NPHP4: variants seen among roughly 807,000 people sequenced by gnomAD.
The protein encoded by NPHP4 is nephrocystin-4.
In NPHP4, 151 loss-of-function variants were observed where a neutral mutation model predicts 155.8. The observed-to-expected ratio is 0.97, with a 90% CI of 0.85 to 1.11. The LOEUF is 1.11. NPHP4 is among the 50% of genes least tolerant of loss of function. The pLI, the probability that NPHP4 is intolerant of heterozygous loss-of-function variation, is 0.00. For synonymous variants in NPHP4, 845 were observed against 816.8 expected (o/e 1.03, Z -0.59); for missense variants, 1,956 against 1,925.7 (o/e 1.02, Z -0.29).
intron 2 of NPHP4, 120 bp downstream of exon 2, chr1:5,986,023 TATGGGTACCACC>T: frequency 1.1e-6 from 1 of 891,484 alleles, no homozygotes; most frequent in East Asian, 2.6e-5. Flanking sequence ...AGAATGGCTA[TATGGGTACCACC>T]ATAAAGTAGC....
intron 1 of NPHP4, 77 bp from the exon 2 acceptor site, chr1:5,986,404 T>C: frequency 8.7e-7 from 1 of 1,152,914 alleles, no homozygotes; most frequent in Admixed American, 2.8e-5. Context: ...GGCTTCTGCC[T>C]CCCACTAAAT....
intron 19 of NPHP4, among the ~76,000 whole-genome samples, chr1:5,878,571 CCTT>C (rs1264902847): frequency 9.2e-5 from 14 of 152,346 alleles, no homozygotes; most frequent in African/African-American, 3.4e-4. Flanking sequence ...GCACTGAGAA[CCTT>C]CTTAAAATTT....
At chr1:5,957,423 T>G (rs1234081028) in intron 6 of NPHP4, among the ~76,000 whole-genome samples, 1 of 152,214 alleles carries the variant, frequency 6.6e-6, no homozygotes, top group Non-Finnish European at 1.5e-5. Context: ...GCTAGGGATA[T>G]TTAATTCAGC....
intron 8 of NPHP4, 129 bp from the exon 9 acceptor site, chr1:5,947,359 A>C: frequency 4.4e-6 from 4 of 904,500 alleles, no homozygotes; most frequent in Non-Finnish European, 7.0e-6. Context: ...TGCAACAGCA[A>C]GTCCACCATG....
chr1:5,884,133 T>C (rs928476449), intron 18 of NPHP4, among the ~76,000 whole-genome samples: 1 of 152,210 alleles, frequency 6.6e-6, no homozygotes, highest in Non-Finnish European at 1.5e-5. Flanking sequence ...GTTAAATTAG[T>C]GCAGGCTTTC....
chr1:5,874,673 T>C lies in NPHP4; in HGVS notation c.3045-16A>G, dbSNP rs1232724119. 4.3e-6 allele frequency: 7 copies of C among 1,609,314 alleles called. No individual in the cohort carries two copies. Among genetic ancestry groups the C allele is most frequent in the Admixed American group, 3.3e-5 (2 of 59,736 alleles). ...CACGATGACGCTGGGGGAGGCAGTG[T>C]CCAGGCGTCAGGGCAGTTCTTCCCA... On this transcript the variant is annotated splice_polypyrimidine_tract_variant and intron_variant, in intron 21 of 29. Transcript: ENST00000378156.
intron 19 of NPHP4, among the ~76,000 whole-genome samples, chr1:5,877,636 C>T (rs189734701): frequency 1.3e-5 from 2 of 152,290 alleles, no homozygotes; most frequent in Admixed American, 1.3e-4. Context: ...CTTAAAGGGC[C>T]CACTAATGCC....
intron 16 of NPHP4, among the ~76,000 whole-genome samples, chr1:5,897,201 A>G (rs1644436535): frequency 6.6e-6 from 1 of 152,236 alleles, no homozygotes; most frequent in Admixed American, 6.5e-5. Flanking sequence ...TTACCATTTC[A>G]AAAACACCAA....
intron 1 of NPHP4, chr1:5,991,360 T>G (rs1656255016): frequency 6.6e-6 from 1 of 151,738 alleles, no homozygotes; most frequent in Non-Finnish European, 1.5e-5. Context: ...ACAGAGGAGG[T>G]GCAACGAACG....
At chr1:5,869,152 GCA>G (rs147471447) in intron 23 of NPHP4, among the ~76,000 whole-genome samples, 6,508 of 127,460 alleles carry the variant, frequency 0.051, 162 homozygotes, top group Middle Eastern at 0.097. Context: ...GCCCACACAT[GCA>G]CACACACGCA....
chr1:5,895,185 G>A (rs1230205216), intron 16 of NPHP4, among the ~76,000 whole-genome samples: 2 of 152,070 alleles, frequency 1.3e-5, no homozygotes, highest in Non-Finnish European at 2.9e-5. Flanking sequence ...CCTGTCGTGG[G>A]GTGGGGGAAG....
chr1:5,930,951 G>C (rs532656606), intron 10 of NPHP4, among the ~76,000 whole-genome samples: 1 of 152,254 alleles, frequency 6.6e-6, no homozygotes, highest in South Asian at 2.1e-4. Context: ...GAAGCTCTAT[G>C]TTAGATGCAA....
At position 5,986,244 on chromosome 1, in the gene NPHP4, G is replaced by A. The variant is rs569481065; in HGVS notation, c.46C>T (p.Pro16Ser). The change falls in exon 2 of 30, where the codon CCC (proline) becomes TCC (serine). Residue 16 changes from proline to serine, a missense_variant. Pro to Ser is a moderately conservative substitution (Grantham distance 74). Transcript: ENST00000378156. ...RIFTQNVLVP[P>S]HPQRARQPWK... ...GGCTGGCGCGCTCTCTGTGGGTGGG[G>A]AGGGACAAGCACGTTTTGGGTGAAG... The A allele has an allele frequency of 4.3e-6, 7 of 1,613,776 alleles. No individual in the cohort carries two copies. The highest frequency in any genetic ancestry group is 1.1e-5 in the South Asian group (1 of 91,040).
chr1:5,947,049 C>G (rs566466569), intron 9 of NPHP4, 55 bp downstream of exon 9: 9 of 1,604,266 alleles, frequency 5.6e-6, no homozygotes, highest in Non-Finnish European at 7.7e-6. Context: ...TACATTTATC[C>G]TCACACACAG....
intron 16 of NPHP4, among the ~76,000 whole-genome samples, chr1:5,901,680 T>C (rs1644689746): frequency 1.3e-5 from 2 of 152,224 alleles, no homozygotes; most frequent in South Asian, 2.1e-4. Flanking sequence ...AACGCTATCA[T>C]TTAACTTCGT....
At position 5,873,329 on chromosome 1, in the gene NPHP4, G is replaced by T; in HGVS notation, c.3238C>A (p.Pro1080Thr). The change falls in exon 23 of 30, where the codon CCT becomes ACT. Residue 1080 changes from proline (P) to threonine (T), a missense_variant. Physicochemically the swap from Pro to Thr is conservative, Grantham distance 38. Transcript: ENST00000378156. ...ATGCCCTTCTCGTTGCTCAACCCAG[G>T]AGAGGCCTGCAGGAACCGAACAGCA... ...AGQLAMVQAS[P>T]GLSNEKGMDA... 1 of 1,613,846 alleles carries T rather than the reference G, an allele frequency of 6.2e-7. No homozygotes were observed. The highest frequency in any genetic ancestry group is 8.5e-7 in the Non-Finnish European group (1 of 1,179,764).
rs74052704 is a variant in NPHP4 at position 5,885,211 on chromosome 1, C to T, written c.2485+2075G>A. ...TCCAAGCTCCCAGCTGAACCCCCGT[C>T]CTACTCGACAACCAAGATCACTGCC... On this transcript the variant is annotated intron_variant, in intron 18 of 29. Transcript: ENST00000378156. Among the ~76,000 whole-genome samples, 730 of 150,792 alleles carry T rather than the reference C, an allele frequency of 4.8e-3. 5 individuals carry two copies. Among genetic ancestry groups the T allele is most frequent in the Middle Eastern group, 0.017 (5 of 286 alleles).
chr1:5,971,798 A>G (rs928632225), intron 3 of NPHP4, among the ~76,000 whole-genome samples: 4 of 151,032 alleles, frequency 2.6e-5, no homozygotes, highest in African/African-American at 5.0e-5. Context: ...TGCACTATTA[A>G]AAGGTTAAGT....
At chr1:5,877,792 C>T (rs997300065) in intron 19 of NPHP4, among the ~76,000 whole-genome samples, 1 of 152,200 alleles carries the variant, frequency 6.6e-6, no homozygotes, top group African/African-American at 2.4e-5. Flanking sequence ...TCAACTCCAT[C>T]CCAGCTGACC....
Sources: gnomAD v4.1 joint callset for allele counts (sites outside exome capture counted in the v4.1 genomes callset) on GRCh38, gnomAD v4.1.1 for gene constraint, MANE v1.5 for transcripts, NCBI Gene and HGNC (gene_info 2026-07-23, HGNC 2026-07-21) for gene names.